UTS2B: variants seen among roughly 807,000 people sequenced by gnomAD.
The protein encoded by UTS2B is urotensin 2B.
In UTS2B, 21 loss-of-function variants were observed where a neutral mutation model predicts 19.2. The ratio of observed to expected loss-of-function variants is 1.09; its 90% CI spans 0.78 to 1.58. The LOEUF (loss-of-function observed/expected upper bound fraction) is 1.58. Ranked by LOEUF, UTS2B falls within the 40% of genes most tolerant of loss-of-function variation. UTS2B has a pLI of 0.00. For missense variants in UTS2B, 138 were observed against 130.3 expected, an observed-to-expected ratio of 1.06 and a Z score of -0.29; for synonymous variants, 57 against 50.2, an observed-to-expected ratio of 1.14 and a Z score of -0.58.
intron 2 of UTS2B, 33 bp from the exon 3 acceptor site, chr3:191,316,472 T>C (rs1039008950): frequency 6.6e-6 from 1 of 152,292 alleles, no homozygotes; most frequent in Admixed American, 6.5e-5. Flanking sequence ...TCTCCCACAG[T>C]GTGAAAGTCA....
intron 3 of UTS2B, among the ~76,000 whole-genome samples, chr3:191,310,026 G>T (rs374205243): frequency 1.3e-5 from 2 of 151,206 alleles, no homozygotes; most frequent in South Asian, 2.1e-4. Flanking sequence ...GCAGTGGCAC[G>T]ATCTCCACTC....
intron 4 of UTS2B, among the ~76,000 whole-genome samples, chr3:191,288,050 C>A (rs1417567478): frequency 3.9e-5 from 6 of 152,030 alleles, no homozygotes; most frequent in African/African-American, 1.2e-4. Context: ...GATATCCCCT[C>A]AAAAAATTAT....
intron 8 of UTS2B, chr3:191,273,272 T>C: frequency 3.0e-6 from 1 of 336,212 alleles, no homozygotes; most frequent in Non-Finnish European, 5.9e-6. Context: ...TTTGGGGTTG[T>C]CTCTAATGAG....
intron 2 of UTS2B, among the ~76,000 whole-genome samples, chr3:191,322,497 G>C (rs1020467584): frequency 1.3e-5 from 2 of 152,208 alleles, no homozygotes; most frequent in Non-Finnish European, 2.9e-5. Context: ...TGTTTTTGGA[G>C]TGGTGTAGGC....
intron 4 of UTS2B, among the ~76,000 whole-genome samples, chr3:191,291,958 C>T (rs548946552): frequency 4.7e-4 from 72 of 151,886 alleles, no homozygotes; most frequent in African/African-American, 1.7e-3. Context: ...CCAATTTGTC[C>T]ATTCTTATAC....
intron 7 of UTS2B, among the ~76,000 whole-genome samples, chr3:191,275,663 G>C (rs1716215434): frequency 6.7e-6 from 1 of 149,624 alleles, no homozygotes; most frequent in Non-Finnish European, 1.5e-5. Context: ...CAGGGCAACA[G>C]AGCAAGACTC....
At chr3:191,279,857 A>G (rs1716336698) in intron 5 of UTS2B, among the ~76,000 whole-genome samples, 1 of 152,078 alleles carries the variant, frequency 6.6e-6, no homozygotes, top group South Asian at 2.1e-4. Context: ...GCAATAGAAA[A>G]TGAGTCTTTT....
chr3:191,296,250 A>G (rs890006535), intron 4 of UTS2B, among the ~76,000 whole-genome samples: 11 of 148,118 alleles, frequency 7.4e-5, no homozygotes, highest in South Asian at 2.1e-4. Context: ...CCCCTTCCCC[A>G]ACTTACACAC....
At chr3:191,276,766 T>C (rs1328270863) in intron 7 of UTS2B, 41 bp downstream of exon 7, 8 of 1,547,360 alleles carry the variant, frequency 5.2e-6, no homozygotes, top group African/African-American at 4.1e-5. Flanking sequence ...TTCCTTATAA[T>C]TGTTATTAAA....
chr3:191,345,316 G>A, the UTS2B span, among the ~76,000 whole-genome samples: 23 of 152,232 alleles, frequency 1.5e-4, no homozygotes, highest in South Asian at 4.1e-4. Flanking sequence ...CATGTTTGCG[G>A]GCATTTTAAA....
chr3:191,275,041 G>A (rs1010375922), intron 8 of UTS2B, among the ~76,000 whole-genome samples: 5 of 152,202 alleles, frequency 3.3e-5, no homozygotes, highest in Admixed American at 2.6e-4. Context: ...TTAAACCTGA[G>A]AAGTGTGAAC....
intron 2 of UTS2B, among the ~76,000 whole-genome samples, chr3:191,321,106 T>A (rs528906892): frequency 6.6e-6 from 1 of 152,320 alleles, no homozygotes; most frequent in African/African-American, 2.4e-5. Context: ...AACTGGAGTA[T>A]TGTCTGAATC....
chr3:191,275,487 T>C, intron 7 of UTS2B, 142 bp from the exon 8 acceptor site: 1 of 601,952 alleles, frequency 1.7e-6, no homozygotes, highest in African/African-American at 1.9e-5. Context: ...AAGACCATCC[T>C]GGCTAACACA....
intron 8 of UTS2B, among the ~76,000 whole-genome samples, chr3:191,268,885 T>C (rs1716014322): frequency 2.0e-5 from 3 of 152,208 alleles, no homozygotes; most frequent in African/African-American, 7.2e-5. Context: ...TGAGAATCTA[T>C]CTGTTGAGTG....
intron 1 of UTS2B, chr3:191,329,622 C>T (rs1287221967): frequency 6.3e-6 from 10 of 1,575,940 alleles, no homozygotes; most frequent in Non-Finnish European, 8.6e-6. Flanking sequence ...CGCTCGGCGC[C>T]GGCGGTGACC....
At position 191,275,293 on chromosome 3, in the gene UTS2B, T is replaced by C. The variant is rs1560132385; in HGVS notation, c.293A>G (p.Tyr98Cys). 9.9e-6 allele frequency: 16 copies of C among 1,613,914 alleles called. No individual in the cohort carries two copies. Among genetic ancestry groups the C allele is most frequent in the South Asian group, 8.8e-5 (8 of 91,052 alleles). Residue 98 changes from tyrosine (Y) to cysteine (C), a missense_variant, in exon 8 of 9, where the codon TAT (tyrosine) becomes TGT (cysteine). Coordinates refer to ENST00000340524, the MANE Select transcript of UTS2B (RefSeq NM_198152.5). The stretch of plus-strand genomic sequence containing the variant: ...AGAAGAGAATAGACCATCTACAGCA[T>C]AGGACGTCTCAGAATCCTTCTCCTC... ...LVEEKDSETS[Y>C]AVDGLFSSHP...
At chr3:191,341,233 A>G in the UTS2B span, among the ~76,000 whole-genome samples, 2 of 152,240 alleles carry the variant, frequency 1.3e-5, no homozygotes, top group African/African-American at 4.8e-5. Flanking sequence ...ATAACTAATT[A>G]TAAGAATTTA....
chr3:191,300,998 G>T (rs1416720539), intron 4 of UTS2B, among the ~76,000 whole-genome samples: 1 of 152,068 alleles, frequency 6.6e-6, no homozygotes, highest in Admixed American at 6.6e-5. Flanking sequence ...TCTTGGTATG[G>T]TTACTCTTTT....
chr3:191,327,894 C>T (rs1717790412), intron 2 of UTS2B, among the ~76,000 whole-genome samples: 1 of 152,186 alleles, frequency 6.6e-6, no homozygotes, highest in South Asian at 2.1e-4. Context: ...ATACCACTTC[C>T]TTCTTATTCC....
Sources: gnomAD v4.1 joint callset for allele counts (sites outside exome capture counted in the v4.1 genomes callset) on GRCh38, gnomAD v4.1.1 for gene constraint, MANE v1.5 for transcripts, NCBI Gene and HGNC (gene_info 2026-07-23, HGNC 2026-07-21) for gene names.